VTI1A: variants seen among roughly 807,000 people sequenced by gnomAD.
The protein encoded by VTI1A is vesicle transport through interaction with t-SNAREs 1A, also known as vesicle transport through interaction with t-SNAREs homolog 1A.
A neutral mutation model predicts 34.9 loss-of-function variants in VTI1A; 22 were observed. That is an observed-to-expected ratio of 0.63 (90% CI 0.45 to 0.90). The LOEUF is 0.90. Among genes scored for constraint, VTI1A ranks in the 40% least tolerant of loss-of-function variants. The probability of loss-of-function intolerance (pLI) is 0.00; values close to 1 mark genes in which losing one functional copy is unlikely to be tolerated. For missense variants in VTI1A, 268 were observed against 275.6 expected, an observed-to-expected ratio of 0.97 and a Z score of 0.20; for synonymous variants, 87 against 97.3, an observed-to-expected ratio of 0.89 and a Z score of 0.62.
At chr10:112,770,721 A>G (rs906432931) in intron 7 of VTI1A, among the ~76,000 whole-genome samples, 6 of 152,054 alleles carry the variant, frequency 3.9e-5, no homozygotes, top group Non-Finnish European at 7.4e-5. Context: ...TGTTTTCTTA[A>G]AAAGAAAATT....
chr10:112,541,820 C>G (rs76698673), intron 5 of VTI1A, among the ~76,000 whole-genome samples: 1 of 152,276 alleles, frequency 6.6e-6, no homozygotes, highest in East Asian at 1.9e-4. Flanking sequence ...CTGATATGCA[C>G]GGAGTTTAAT....
chr10:112,561,759 A>G (rs1377779041), intron 5 of VTI1A, among the ~76,000 whole-genome samples: 1 of 152,184 alleles, frequency 6.6e-6, no homozygotes, highest in African/African-American at 2.4e-5. Flanking sequence ...AGCACTTGAA[A>G]AAAACATTCT....
chr10:112,779,568 A>T (rs762170865), intron 7 of VTI1A, among the ~76,000 whole-genome samples: 3 of 152,286 alleles, frequency 2.0e-5, no homozygotes, highest in Non-Finnish European at 4.4e-5. Flanking sequence ...GCTATTTCAG[A>T]TCATCTGGAC....
At chr10:112,780,603 A>G (rs1249660490) in intron 7 of VTI1A, among the ~76,000 whole-genome samples, 2 of 152,296 alleles carry the variant, frequency 1.3e-5, no homozygotes, top group Non-Finnish European at 2.9e-5. Flanking sequence ...GTCAGAGCTC[A>G]ATATGCATAA....
intron 3 of VTI1A, among the ~76,000 whole-genome samples, chr10:112,512,380 C>T (rs1849642342): frequency 1.3e-5 from 2 of 151,920 alleles, no homozygotes; most frequent in African/African-American, 4.8e-5. Context: ...TATACTTTGC[C>T]CACTTTCAAA....
chr10:112,757,826 A>G (rs1049527578), intron 7 of VTI1A, among the ~76,000 whole-genome samples: 4 of 152,212 alleles, frequency 2.6e-5, no homozygotes, highest in East Asian at 1.9e-4. Flanking sequence ...TAACTTTTCA[A>G]TATGTTTTCT....
chr10:112,503,654 A>G (rs1849321418), intron 3 of VTI1A, among the ~76,000 whole-genome samples: 1 of 152,210 alleles, frequency 6.6e-6, no homozygotes, highest in Non-Finnish European at 1.5e-5. Flanking sequence ...GAGGACAACC[A>G]TTATATTAAT....
At chr10:112,447,122 G>A (rs898172126), upstream of VTI1A, 3 of 507,260 alleles carry the variant, frequency 5.9e-6, no homozygotes, top group African/African-American at 5.7e-5. Context: ...CACTAATTGG[G>A]GCGCTTTTCC....
Position 112,673,468 on chromosome 10 carries a change from G to GCACACACACA in VTI1A, c.560+4476_560+4485dup, listed in dbSNP as rs150053497. Among the ~76,000 whole-genome samples, 898 of 151,666 alleles carry GCACACACACA rather than the reference G, an allele frequency of 5.9e-3. 1 individual carries two copies. The highest frequency in any genetic ancestry group is 7.8e-3 in the African/African-American group (324 of 41,444). On this transcript the variant is annotated intron_variant, in intron 7 of 7. Coordinates refer to ENST00000393077, the MANE Select transcript of VTI1A (RefSeq NM_145206.4). Reference sequence around the variant, plus strand: ...TTCACACACATGCGCGCGTGCGCGCGCACACACACACACACGCACTCAGAT... The same window carrying GCACACACACA: ...TTCACACACATGCGCGCGTGCGCGCGCACACACACACACACACACACACACGCACTCAGAT...
downstream of VTI1A, among the ~76,000 whole-genome samples, chr10:112,820,779 G>T (rs184870294): frequency 1.3e-5 from 2 of 152,290 alleles, no homozygotes; most frequent in Non-Finnish European, 2.9e-5. Flanking sequence ...GTAACAAGGA[G>T]CCAGCTTACC....
intron 3 of VTI1A, among the ~76,000 whole-genome samples, chr10:112,486,198 G>A (rs947370876): frequency 1.3e-5 from 2 of 152,162 alleles, no homozygotes; most frequent in Non-Finnish European, 2.9e-5. Flanking sequence ...AGGCTTATAT[G>A]TGACAGCAAT....
chr10:112,771,415 C>T (rs765292218), intron 7 of VTI1A, among the ~76,000 whole-genome samples: 17 of 152,188 alleles, frequency 1.1e-4, no homozygotes, highest in African/African-American at 3.6e-4. Flanking sequence ...CACATGAGGC[C>T]GACCATAGGA....
the VTI1A span, among the ~76,000 whole-genome samples, chr10:112,838,930 A>G: frequency 2.6e-5 from 4 of 152,244 alleles, no homozygotes; most frequent in African/African-American, 7.2e-5. Flanking sequence ...CCATTTGACC[A>G]GATCCAGTCA....
rs548497942 is a variant in VTI1A, at chr10:112,513,389, A to G, written c.265-13698A>G. On this transcript the variant is annotated intron_variant, in intron 3 of 7. Transcript: ENST00000393077. Reference sequence around the variant, plus strand: ...ATTGATTTTTGTATGTTGATTTTATATACTGCAACTTTACTGAATTTATTT... The same window carrying G: ...ATTGATTTTTGTATGTTGATTTTATGTACTGCAACTTTACTGAATTTATTT... 2.6e-5 allele frequency among the ~76,000 whole-genome samples: 4 copies of G among 152,198 alleles called. No homozygotes were observed. In the South Asian group the frequency reaches 6.2e-4, roughly 24 times the overall value.
At chr10:112,611,167 G>C (rs1845294903) in intron 5 of VTI1A, among the ~76,000 whole-genome samples, 1 of 152,194 alleles carries the variant, frequency 6.6e-6, no homozygotes, top group African/African-American at 2.4e-5. Flanking sequence ...TAGAAGAAAC[G>C]ACAATAGAGT....
At chr10:112,498,630 A>G (rs1165113359) in intron 3 of VTI1A, among the ~76,000 whole-genome samples, 1 of 152,228 alleles carries the variant, frequency 6.6e-6, no homozygotes, top group Non-Finnish European at 1.5e-5. Context: ...AAAGAAAAAA[A>G]TAAAGATTGT....
chr10:112,745,432 G>A (rs540806491), intron 7 of VTI1A, among the ~76,000 whole-genome samples: 57 of 151,948 alleles, frequency 3.8e-4, no homozygotes, highest in African/African-American at 1.2e-3. Flanking sequence ...TGCCACCCAC[G>A]TACCTCCAGT....
At chr10:112,802,569 T>C (rs1852911140) in intron 7 of VTI1A, among the ~76,000 whole-genome samples, 1 of 152,174 alleles carries the variant, frequency 6.6e-6, no homozygotes, top group Admixed American at 6.5e-5. Context: ...GAGCTGCTCA[T>C]GCAGGCATCC....
At chr10:112,681,271 G>A (rs1205552908) in intron 7 of VTI1A, among the ~76,000 whole-genome samples, 1 of 151,880 alleles carries the variant, frequency 6.6e-6, no homozygotes, top group Non-Finnish European at 1.5e-5. Flanking sequence ...CGTAGAGACA[G>A]GATCTCCTTA....
Sources: allele counts gnomAD v4.1 joint callset (sites outside exome capture counted in the v4.1 genomes callset), GRCh38; gene constraint gnomAD v4.1.1; transcripts MANE v1.5; gene names NCBI Gene and HGNC (gene_info 2026-07-23, HGNC 2026-07-21).